COL6A1: variants seen among roughly 807,000 people sequenced by gnomAD.
The protein encoded by COL6A1 is collagen alpha-1(VI) chain.
COL6A1 carries 80 observed loss-of-function variants against 145.6 expected under a neutral mutation model. The observed-to-expected ratio is 0.55, with a 90% CI of 0.46 to 0.66. COL6A1 has a LOEUF of 0.66. Ranked by LOEUF, COL6A1 falls within the 30% of genes least tolerant of loss-of-function variation. The pLI, the probability that COL6A1 is intolerant of heterozygous loss-of-function variation, is 0.00. For synonymous variants in COL6A1, 638 were observed against 622.8 expected (o/e 1.02, Z -0.36); for missense variants, 1,364 against 1,473.8 (o/e 0.93, Z 1.22).
chr21:45,998,155 G>C lies in COL6A1; in HGVS notation c.1559G>C (p.Gly520Ala), dbSNP rs779368081. ...GGCCCCGCTGGAAATGGCACCGAGGGCTTCCCCGGCTTCCCCGTAAGTGTC... is the reference window on the plus strand; with the variant it reads ...GGCCCCGCTGGAAATGGCACCGAGGCCTTCCCCGGCTTCCCCGTAAGTGTC... Reference protein sequence around the residue: ...EDGPAGNGTEGFPGFPGYPGN... With the variant: ...EDGPAGNGTEAFPGFPGYPGN... The change falls in exon 23 of 35, where the codon GGC becomes GCC. Residue 520 changes from glycine (G) to alanine (A), a missense_variant. Gly to Ala is a moderately conservative substitution (Grantham distance 60, BLOSUM62 0). Transcript: ENST00000361866. 8 of 1,612,246 alleles carry C rather than the reference G, an allele frequency of 5.0e-6. No homozygotes were observed. In the South Asian group the frequency reaches 7.7e-5, roughly 16 times the overall value.
Position 45,992,790 on chromosome 21 carries a change from CG to C in COL6A1, c.1319del (p.Gly440AspfsTer65). On this transcript the variant is annotated frameshift_variant, in exon 19 of 35. Coordinates refer to ENST00000361866, the MANE Select transcript of COL6A1 (RefSeq NM_001848.3). LOFTEE classifies it high-confidence loss of function. ...AGGACCACGGGGGACCCCAGGCACG[CG>C]GGGACCAAGAGGAGACCCTGTGAGT... ...ERGPRGTPGT[R>X]GPRGDPGEAG... 2 of 1,601,066 alleles carry C rather than the reference CG, an allele frequency of 1.2e-6. No individual in the cohort carries two copies. The highest frequency in any genetic ancestry group is 1.7e-6 in the Non-Finnish European group (2 of 1,174,552).
Position 46,000,365 on chromosome 21 carries a change from G to C in COL6A1, c.1811G>C (p.Cys604Ser). 2 of 1,613,976 alleles carry C rather than the reference G, an allele frequency of 1.2e-6. No homozygotes were observed. Among genetic ancestry groups the C allele is most frequent in the Non-Finnish European group, 1.7e-6 (2 of 1,179,906 alleles). Residue 604 changes from cysteine to serine, a missense_variant and splice_region_variant, in exon 28 of 35, where the codon TGC (cysteine) becomes TCC (serine). Around this residue, in one of 3 missense-constraint regions of COL6A1, gnomAD observed 938 missense variants for 1,003.8 expected, o/e 0.93. Coordinates refer to ENST00000361866, the MANE Select transcript of COL6A1 (RefSeq NM_001848.3). ...CEILDIIMKM[C>S]SCCECKCGPI... is the part of the protein sequence containing the mutation. ...ATTTTGGACATCATCATGAAAATGT[G>C]CTGTGAGTATCTCTGAGAAGCCGTC...
chr21:45,999,486 C>A, intron 26 of COL6A1, 171 bp from the exon 27 acceptor site: 1 of 818,394 alleles, frequency 1.2e-6, no homozygotes, highest in Non-Finnish European at 2.0e-6. Context: ...GTGTGCGAAG[C>A]CCCAGCTGCC....
intron 27 of COL6A1, 65 bp downstream of exon 27, chr21:45,999,757 G>C: frequency 6.7e-7 from 1 of 1,500,804 alleles, no homozygotes; most frequent in Non-Finnish European, 9.1e-7. Context: ...TGGGGTGTGG[G>C]TCCTGTCCAT....
chr21:45,997,419 A>G lies in COL6A1; in HGVS notation c.1399-2A>G. The G allele has an allele frequency of 6.2e-7, 1 of 1,612,820 alleles. No individual in the cohort carries two copies. On this transcript the variant is annotated splice_acceptor_variant, in intron 20 of 34. Transcript: ENST00000361866. LOFTEE classifies it high-confidence loss of function. Reference sequence around the variant, plus strand: ...CAACGTGCCATATCCATCTCTCTACAGGGCGAGGCTGGCCCTATCGGACCT... The same window carrying G: ...CAACGTGCCATATCCATCTCTCTACGGGGCGAGGCTGGCCCTATCGGACCT...
chr21:45,987,015 G>C lies in COL6A1; in HGVS notation c.660G>C (p.Gln220His). ...RRNFTAADWG[Q>H]SRDAEEAISQ... ...ACTTCACGGCGGCTGACTGGGGCCA[G>C]AGCCGCGACGCAGAGGAGGCCATCA... The change falls in exon 5 of 35, where the codon CAG becomes CAC. Residue 220 changes from glutamine (Q) to histidine (H), a missense_variant. By Grantham distance (24) the Gln-to-His change is conservative. This residue lies in a region of COL6A1 where 414 missense variants were observed against 437.6 expected (regional missense o/e 0.95). Coordinates refer to ENST00000361866, the MANE Select transcript of COL6A1 (RefSeq NM_001848.3). The C allele has an allele frequency of 6.4e-7, 1 of 1,551,170 alleles. No individual in the cohort carries two copies. The highest frequency in any genetic ancestry group is 8.7e-7 in the Non-Finnish European group (1 of 1,147,840).
intron 3 of COL6A1, 90 bp from the exon 4 acceptor site, chr21:45,986,436 G>T: frequency 7.5e-7 from 1 of 1,340,426 alleles, no homozygotes. Context: ...CTCCCGGTGA[G>T]ACAGGGACCA....
At chr21:46,002,986 A>G in intron 33 of COL6A1, 134 bp from the exon 34 acceptor site, 1 of 1,346,644 alleles carries the variant, frequency 7.4e-7, no homozygotes. Flanking sequence ...TCCCACAGGC[A>G]TCCTCCTCCC....
At chr21:45,998,499 C>T (rs914341871) in intron 24 of COL6A1, 66 bp downstream of exon 24, 37 of 1,601,720 alleles carry the variant, frequency 2.3e-5, no homozygotes, top group East Asian at 4.5e-5. Context: ...GGGACACGCA[C>T]GTGTGAACAC....
rs2077868961 is a variant in COL6A1, at chr21:46,004,369, CT to C, written c.*357del. 6.0e-6 allele frequency: 2 copies of C among 335,080 alleles called. No individual in the cohort carries two copies. The highest frequency in any genetic ancestry group is 1.2e-5 in the Non-Finnish European group (2 of 168,730). 20.8% of individuals were successfully genotyped at this position (335,080 alleles called of 1,614,324 possible). On this transcript the variant is annotated 3_prime_UTR_variant, in exon 35 of 35. Coordinates refer to ENST00000361866, the MANE Select transcript of COL6A1 (RefSeq NM_001848.3). ...GTTCCCCACCCCGGGCTCTCCTGCC[CT>C]GCCCTCCTGCCCGCCCTCCCTCCTG...
At chr21:45,992,098 A>G (rs1032969172) in intron 16 of COL6A1, 26 bp downstream of exon 16, 3 of 1,613,224 alleles carry the variant, frequency 1.9e-6, no homozygotes, top group Non-Finnish European at 1.7e-6. Flanking sequence ...GCCCCCACAC[A>G]TGCCAGGTAT....
intron 33 of COL6A1, 135 bp downstream of exon 33, chr21:46,002,845 G>A (rs538878771): frequency 3.5e-5 from 42 of 1,188,810 alleles, no homozygotes; most frequent in African/African-American, 1.9e-4. Context: ...ACGCGGGGCC[G>A]CCCAGGGCCG....
chr21:45,988,846 C>T (rs532080938), intron 8 of COL6A1, among the ~76,000 whole-genome samples: 2 of 152,104 alleles, frequency 1.3e-5, no homozygotes, highest in African/African-American at 2.4e-5. Flanking sequence ...CACGTCCCTC[C>T]CACCTGTGCC....
chr21:45,989,843 G>A, intron 11 of COL6A1, 65 bp downstream of exon 11: 1 of 1,601,852 alleles, frequency 6.2e-7, no homozygotes, highest in Non-Finnish European at 8.5e-7. Context: ...GGACGAGGGT[G>A]TCCCCGGGGA....
At chr21:45,985,790 A>G (rs2077736064) in intron 3 of COL6A1, among the ~76,000 whole-genome samples, 1 of 152,200 alleles carries the variant, frequency 6.6e-6, no homozygotes, top group Non-Finnish European at 1.5e-5. Context: ...TGGGCCGGAC[A>G]TTCCCTTTCC....
In COL6A1 at chr21:45,987,218, G is replaced by A. The variant is rs199802096; in HGVS notation, c.738+43G>A. ...CACCCCCAGCCGTGAGTCTGCACAC[G>A]TCCACCCACACGTCCACCTGTGTGT... is the stretch of plus-strand genomic sequence containing the variant. On this transcript the variant is annotated intron_variant, in intron 6 of 34. Coordinates refer to ENST00000361866, the MANE Select transcript of COL6A1 (RefSeq NM_001848.3). 4.2e-4 allele frequency: 647 copies of A among 1,545,318 alleles called. 2 individuals carry two copies. The highest frequency in any genetic ancestry group is 2.4e-3 in the Middle Eastern group (14 of 5,864).
intron 8 of COL6A1, 117 bp downstream of exon 8, chr21:45,987,771 TCCAGATGGAGGGGACGGCGGG>T: frequency 1.1e-6 from 1 of 937,030 alleles, no homozygotes; most frequent in Non-Finnish European, 1.5e-6. Flanking sequence ...ACGGCGGGGG[TCCAGATGGAGGGGACGGCGGG>T]GGTCCAGATG....
intron 13 of COL6A1, 72 bp downstream of exon 13, chr21:45,990,494 GACGGCGTGAAGGTGACCC>G: frequency 8.9e-7 from 1 of 1,122,728 alleles, no homozygotes. Flanking sequence ...GGACGGAGTG[GACGGCGTGAAGGTGACCC>G]GGGGAGGGAT....
intron 33 of COL6A1, 34 bp downstream of exon 33, chr21:46,002,744 T>C (rs1319304259): frequency 1.7e-5 from 26 of 1,558,242 alleles, no homozygotes; most frequent in Non-Finnish European, 2.1e-5. Context: ...GTCCCAGATC[T>C]GCGTAGGTGC....
Sources: gnomAD v4.1 joint callset for allele counts (sites outside exome capture counted in the v4.1 genomes callset) on GRCh38, gnomAD v4.1.1 for gene constraint, gnomAD v4.1.1 regional missense constraint, MANE v1.5 for transcripts, NCBI Gene and HGNC (gene_info 2026-07-23, HGNC 2026-07-21) for gene names.